MTA1: variants seen among roughly 807,000 people sequenced by gnomAD.
MTA1 encodes the protein metastasis associated 1.
In MTA1, 15 loss-of-function variants were observed where a neutral mutation model predicts 97.0. That is an observed-to-expected ratio of 0.15 (90% CI 0.10 to 0.24). The LOEUF (loss-of-function observed/expected upper bound fraction) is 0.24. MTA1 is among the 10% of genes least tolerant of loss of function. The pLI, the probability that MTA1 is intolerant of heterozygous loss-of-function variation, is 1.00. For synonymous variants in MTA1, 435 were observed against 417.5 expected, an observed-to-expected ratio of 1.04 and a Z score of -0.51; for missense variants, 709 against 1,015.1, an observed-to-expected ratio of 0.70 and a Z score of 4.10.
At chr14:105,447,005 G>A (rs781800705) in intron 3 of MTA1, among the ~76,000 whole-genome samples, 6 of 152,256 alleles carry the variant, frequency 3.9e-5, no homozygotes, top group Non-Finnish European at 5.9e-5. Flanking sequence ...GCACCAAGGA[G>A]GAGAGCTGGG....
Position 105,420,766 on chromosome 14 carries a change from G to A in MTA1, c.28+703G>A, listed in dbSNP as rs1022317775. On this transcript the variant is annotated intron_variant, in intron 1 of 20. Coordinates refer to ENST00000331320, the MANE Select transcript of MTA1 (RefSeq NM_004689.4). The surrounding 1 kb of genome is among the most constrained non-coding windows in gnomAD (Gnocchi z 5.3). ...CCGTGGGCCCAGCCTCCTGTTGCTC[G>A]GGCCCCCCGGGCCTGCAGCTTTGAG... Among the ~76,000 whole-genome samples, 2 of 152,196 alleles carry A rather than the reference G, an allele frequency of 1.3e-5. No homozygotes were observed. The highest frequency in any genetic ancestry group is 2.9e-5 in the Non-Finnish European group (2 of 68,018).
At chr14:105,449,762 C>T (rs1402829547) in intron 4 of MTA1, among the ~76,000 whole-genome samples, 2 of 152,226 alleles carry the variant, frequency 1.3e-5, no homozygotes, top group African/African-American at 2.4e-5. Flanking sequence ...GCTTCTGGGG[C>T]TGGCCCGGAC....
intron 10 of MTA1, among the ~76,000 whole-genome samples, chr14:105,461,712 G>A (rs1478683304): frequency 6.6e-6 from 1 of 152,212 alleles, no homozygotes; most frequent in Admixed American, 6.5e-5. Flanking sequence ...GGTTGGGTAG[G>A]GTGCCTAGAC....
chr14:105,457,692 A>G (rs1341479124), intron 7 of MTA1, among the ~76,000 whole-genome samples: 3 of 152,212 alleles, frequency 2.0e-5, no homozygotes, highest in Non-Finnish European at 2.9e-5. Flanking sequence ...TTGGGAGGCT[A>G]AGGCGGATGG....
chr14:105,437,295 G>A (rs587676563), intron 1 of MTA1, among the ~76,000 whole-genome samples: 135 of 150,798 alleles, frequency 9.0e-4, no homozygotes, highest in African/African-American at 3.2e-3. Flanking sequence ...CTGCAGGTGC[G>A]TCCTCATGGG....
chr14:105,458,411 C>T, intron 8 of MTA1, 39 bp downstream of exon 8: 1 of 1,567,812 alleles, frequency 6.4e-7, no homozygotes, highest in South Asian at 1.1e-5. Context: ...AGGGGTGGTG[C>T]CTGGAGCTTC....
At chr14:105,442,878 C>T (rs2082590790) in intron 2 of MTA1, among the ~76,000 whole-genome samples, 1 of 147,236 alleles carries the variant, frequency 6.8e-6, no homozygotes, top group African/African-American at 2.5e-5. Context: ...TCATGGAATG[C>T]ACACAGTGAT....
chr14:105,444,345 A>T (rs182767089), intron 2 of MTA1, among the ~76,000 whole-genome samples: 1 of 152,198 alleles, frequency 6.6e-6, no homozygotes, highest in East Asian at 1.9e-4. Flanking sequence ...ACTGCACTCC[A>T]GCCTGGGCGA....
At position 105,463,227 on chromosome 14, in the gene MTA1, T is replaced by C. The variant is rs782643988; in HGVS notation, c.986T>C (p.Met329Thr). 3.7e-6 allele frequency: 6 copies of C among 1,611,002 alleles called. No homozygotes were observed. Among genetic ancestry groups the C allele is most frequent in the South Asian group, 1.1e-5 (1 of 91,050 alleles). ...SLTSIIEYYY[M>T]WKTTDRYVQQ... is the part of the protein sequence containing the mutation. ...ACCAGCATCATTGAGTACTACTACA[T>C]GTGGAAGACCACCGACAGATACGTG... The change falls in exon 11 of 21, where the codon ATG (methionine) becomes ACG (threonine). Residue 329 changes from methionine (M) to threonine (T), a missense_variant. This residue lies in a region of MTA1 where 321 missense variants were observed against 593.5 expected (regional missense o/e 0.54). Transcript: ENST00000331320. This position sits in a 1 kb window ranked among gnomAD's most constrained non-coding sequence, Gnocchi z 5.9.
chr14:105,435,695 G>A (rs188662161), intron 1 of MTA1, among the ~76,000 whole-genome samples: 42 of 152,312 alleles, frequency 2.8e-4, no homozygotes, highest in Middle Eastern at 3.4e-3. Flanking sequence ...CCATCTGGGC[G>A]CAGAGTTCTT....
rs1302915351 is a variant in MTA1, at chr14:105,420,724, C to T, written c.28+661C>T. Reference sequence around the variant, plus strand: ...GGTTGGGGAGAGGCCGGAGGGCCTCCTGGGCAGGGGCTTCCTCCGTGGGCC... The same window carrying T: ...GGTTGGGGAGAGGCCGGAGGGCCTCTTGGGCAGGGGCTTCCTCCGTGGGCC... On this transcript the variant is annotated intron_variant, in intron 1 of 20. Transcript: ENST00000331320. This position sits in a 1 kb window ranked among gnomAD's most constrained non-coding sequence, Gnocchi z 5.3. Among the ~76,000 whole-genome samples, 14 of 152,198 alleles carry T rather than the reference C, an allele frequency of 9.2e-5. No homozygotes were observed. Among genetic ancestry groups the T allele is most frequent in the African/African-American group, 2.4e-4 (10 of 41,460 alleles).
intron 1 of MTA1, among the ~76,000 whole-genome samples, chr14:105,427,985 C>T (rs1209992247): frequency 1.4e-5 from 2 of 147,704 alleles, no homozygotes; most frequent in East Asian, 4.0e-4. Flanking sequence ...ACCACTGTAC[C>T]CCAGCCTGGG....
At chr14:105,441,751 G>C (rs587725061) in intron 2 of MTA1, among the ~76,000 whole-genome samples, 4 of 152,084 alleles carry the variant, frequency 2.6e-5, no homozygotes, top group Admixed American at 1.3e-4. Context: ...CCGAGATCCC[G>C]CCACTACACT....
intron 18 of MTA1, chr14:105,467,207 G>A (rs2083630511): frequency 2.8e-6 from 1 of 358,894 alleles, no homozygotes; most frequent in African/African-American, 2.1e-5. Flanking sequence ...TGGCTCAGGT[G>A]CTCTGTGCCG....
At chr14:105,468,278 C>T (rs1021388297) in intron 18 of MTA1, 7 of 1,297,594 alleles carry the variant, frequency 5.4e-6, no homozygotes, top group East Asian at 5.6e-5. Flanking sequence ...CAGATGGCTG[C>T]GTGTGGCTCA....
At chr14:105,456,723 G>A (rs1336396990) in intron 7 of MTA1, among the ~76,000 whole-genome samples, 5 of 152,186 alleles carry the variant, frequency 3.3e-5, no homozygotes, top group African/African-American at 1.2e-4. Flanking sequence ...GGCTTGTGTG[G>A]GTCACACCAA....
intron 2 of MTA1, among the ~76,000 whole-genome samples, chr14:105,439,935 T>G (rs1470185255): frequency 1.3e-5 from 2 of 152,156 alleles, no homozygotes; most frequent in Non-Finnish European, 2.9e-5. Context: ...GGGGGGAAGG[T>G]TAGCGCGCCA....
intron 2 of MTA1, among the ~76,000 whole-genome samples, chr14:105,441,699 C>T (rs1157028520): frequency 1.3e-5 from 2 of 152,274 alleles, no homozygotes; most frequent in South Asian, 2.1e-4. Context: ...GAGGCTGAGG[C>T]AGGAGAATGG....
chr14:105,453,792 CAA>C (rs1555429212), intron 6 of MTA1, among the ~76,000 whole-genome samples: 3 of 152,192 alleles, frequency 2.0e-5, no homozygotes, highest in East Asian at 1.9e-4. Flanking sequence ...ACCTGGGCGA[CAA>C]GAGCGAAACT....
Sources: gnomAD v4.1 joint callset for allele counts (sites outside exome capture counted in the v4.1 genomes callset) on GRCh38, gnomAD v4.1.1 for gene constraint, gnomAD v4.1.1 regional missense constraint, Gnocchi (gnomAD v3.1) non-coding constraint, MANE v1.5 for transcripts, NCBI Gene and HGNC (gene_info 2026-07-23, HGNC 2026-07-21) for gene names.